The following GALNTL6 variants were observed in gnomAD, a reference collection of about 807,000 sequenced individuals.
The protein encoded by GALNTL6 is polypeptide N-acetylgalactosaminyltransferase-like 6.
Under a neutral mutation model 73.7 loss-of-function variants are expected in GALNTL6, and 46 were observed. That is an observed-to-expected ratio of 0.62 (90% CI 0.49 to 0.80). The LOEUF (loss-of-function observed/expected upper bound fraction) is 0.80, where lower values mean the gene tolerates loss of function less well. Ranked by LOEUF, GALNTL6 falls within the 30% of genes least tolerant of loss-of-function variation. GALNTL6 has a pLI of 0.00. For missense variants in GALNTL6, 604 were observed against 755.0 expected (o/e 0.80, Z 2.34); for synonymous variants, 259 against 263.7 (o/e 0.98, Z 0.17).
intron 5 of GALNTL6, among the ~76,000 whole-genome samples, chr4:172,664,078 G>A (rs937923696): frequency 3.3e-5 from 5 of 152,178 alleles, no homozygotes; most frequent in African/African-American, 1.2e-4. Flanking sequence ...CTACATGGCA[G>A]ACATTTGATA....
chr4:171,871,556 A>G (rs1736138438), intron 2 of GALNTL6, among the ~76,000 whole-genome samples: 1 of 152,136 alleles, frequency 6.6e-6, no homozygotes, highest in East Asian at 1.9e-4. Flanking sequence ...TCAGCATGAC[A>G]TTAGTTATAT....
At chr4:171,821,816 G>T (rs972873518) in intron 2 of GALNTL6, among the ~76,000 whole-genome samples, 4 of 152,082 alleles carry the variant, frequency 2.6e-5, no homozygotes, top group African/African-American at 4.8e-5. Context: ...GAATGTAGTA[G>T]GGAGGACTGT....
intron 3 of GALNTL6, among the ~76,000 whole-genome samples, chr4:172,304,667 C>T (rs1429535654): frequency 6.6e-6 from 1 of 152,142 alleles, no homozygotes; most frequent in African/African-American, 2.4e-5. Context: ...TAAAGTGTCA[C>T]TAGCAGGGTT....
At chr4:172,153,106 A>C (rs777726772) in intron 2 of GALNTL6, among the ~76,000 whole-genome samples, 7 of 152,238 alleles carry the variant, frequency 4.6e-5, no homozygotes, top group Non-Finnish European at 1.0e-4. Context: ...CCGCTTATTG[A>C]CACCAACCCC....
At chr4:172,543,695 G>A (rs1735655457) in intron 5 of GALNTL6, among the ~76,000 whole-genome samples, 1 of 152,198 alleles carries the variant, frequency 6.6e-6, no homozygotes, top group African/African-American at 2.4e-5. Context: ...TCTTCAACAG[G>A]GAGAATTAAG....
chr4:172,061,865 C>T (rs1034564538), intron 2 of GALNTL6, among the ~76,000 whole-genome samples: 5 of 152,072 alleles, frequency 3.3e-5, no homozygotes, highest in African/African-American at 7.2e-5. Flanking sequence ...ACTTAGCATA[C>T]GCCAACATTG....
At chr4:172,107,592 C>T (rs1038201102) in intron 2 of GALNTL6, among the ~76,000 whole-genome samples, 15 of 146,858 alleles carry the variant, frequency 1.0e-4, no homozygotes, top group Non-Finnish European at 1.5e-4. Context: ...AACCAAACAC[C>T]GCATGTTCTC....
chr4:172,713,221 G>GGTGTGTGTGTGT (rs1560898632), intron 5 of GALNTL6, among the ~76,000 whole-genome samples: 2 of 74,272 alleles, frequency 2.7e-5, no homozygotes, highest in African/African-American at 9.8e-5. Flanking sequence ...AAAAGAATAA[G>GGTGTGTGTGTGT]ATGTGTGTGT....
Position 172,190,409 on chromosome 4 carries a change from A to G in GALNTL6, c.139-39247A>G, listed in dbSNP as rs113637362. On this transcript the variant is annotated intron_variant, in intron 2 of 12. Transcript: ENST00000506823. ...TTGGGTCAGTGGATACCAAATGTGC[A>G]TTACAAGGGAGAGTGTGTATGTTTT... Among the ~76,000 whole-genome samples the G allele has an allele frequency of 1.3e-3, 192 of 152,298 alleles. 2 individuals carry two copies. Among genetic ancestry groups the G allele is most frequent in the African/African-American group, 4.4e-3 (183 of 41,578 alleles).
chr4:172,030,944 C>T (rs1741748996), intron 2 of GALNTL6, among the ~76,000 whole-genome samples: 1 of 151,956 alleles, frequency 6.6e-6, no homozygotes, highest in Admixed American at 6.6e-5. Context: ...AACAGAGGAT[C>T]ACTTTATAAA....
intron 5 of GALNTL6, among the ~76,000 whole-genome samples, chr4:172,648,376 C>G (rs1183057079): frequency 2.0e-5 from 3 of 152,070 alleles, no homozygotes; most frequent in Non-Finnish European, 2.9e-5. Context: ...CAGTCTTTTC[C>G]TGGGAACACA....
intron 8 of GALNTL6, among the ~76,000 whole-genome samples, chr4:172,925,400 G>C (rs1438596118): frequency 6.6e-6 from 1 of 152,152 alleles, no homozygotes; most frequent in Non-Finnish European, 1.5e-5. Context: ...GGAAATGGTA[G>C]TAACAGAACT....
intron 2 of GALNTL6, among the ~76,000 whole-genome samples, chr4:171,957,628 G>T (rs1050311546): frequency 6.6e-6 from 1 of 152,160 alleles, no homozygotes; most frequent in African/African-American, 2.4e-5. Context: ...GGCATTTTAA[G>T]AATATATTAA....
At chr4:172,451,041 T>C (rs1732189870) in intron 5 of GALNTL6, among the ~76,000 whole-genome samples, 2 of 152,338 alleles carry the variant, frequency 1.3e-5, no homozygotes, top group Middle Eastern at 3.4e-3. Context: ...GTGCCCAGAC[T>C]CTGTTCAGCA....
intron 5 of GALNTL6, among the ~76,000 whole-genome samples, chr4:172,436,961 T>C (rs1177107481): frequency 6.6e-6 from 1 of 152,116 alleles, no homozygotes; most frequent in African/African-American, 2.4e-5. Context: ...TAAAACTTTT[T>C]TCAGTACTTT....
At chr4:172,443,981 A>C (rs1041463692) in intron 5 of GALNTL6, among the ~76,000 whole-genome samples, 2 of 152,140 alleles carry the variant, frequency 1.3e-5, no homozygotes, top group East Asian at 1.9e-4. Flanking sequence ...CTTGGTGGCT[A>C]TGTGGTAGCA....
chr4:172,956,856 C>T (rs1702429549), intron 10 of GALNTL6, among the ~76,000 whole-genome samples: 1 of 152,072 alleles, frequency 6.6e-6, no homozygotes, highest in African/African-American at 2.4e-5. Flanking sequence ...AGATTGAGGA[C>T]AGTAAGGGAT....
At chr4:172,028,031 C>T (rs1238014807) in intron 2 of GALNTL6, among the ~76,000 whole-genome samples, 1 of 151,998 alleles carries the variant, frequency 6.6e-6, no homozygotes, top group East Asian at 1.9e-4. Flanking sequence ...GAAGATCTAG[C>T]TAGAATAATT....
At chr4:171,832,083 T>C (rs1450530219) in intron 2 of GALNTL6, among the ~76,000 whole-genome samples, 2 of 151,434 alleles carry the variant, frequency 1.3e-5, no homozygotes, top group Non-Finnish European at 3.0e-5. Context: ...TTTTATGTAG[T>C]TATACACAAT....
Sources: allele counts gnomAD v4.1 joint callset (sites outside exome capture counted in the v4.1 genomes callset), GRCh38; gene constraint gnomAD v4.1.1; transcripts MANE v1.5; gene names NCBI Gene and HGNC (gene_info 2026-07-23, HGNC 2026-07-21).